Variants in FAM216A observed in about 807,000 individuals in gnomAD.
FAM216A encodes family with sequence similarity 216 member A, also known as protein FAM216A.
Under a neutral mutation model 37.6 loss-of-function variants are expected in FAM216A, and 26 were observed. The ratio of observed to expected loss-of-function variants is 0.69; its 90% CI spans 0.51 to 0.96. FAM216A has a LOEUF of 0.96. Among genes scored for constraint, FAM216A ranks in the 40% least tolerant of loss-of-function variants. The probability of loss-of-function intolerance (pLI) is 0.00; values close to 1 mark genes in which losing one functional copy is unlikely to be tolerated. For synonymous variants in FAM216A, 110 were observed against 121.7 expected, an observed-to-expected ratio of 0.90 and a Z score of 0.64; for missense variants, 326 against 339.3, an observed-to-expected ratio of 0.96 and a Z score of 0.31.
At chr12:110,479,231 G>C (rs778539682) in intron 2 of FAM216A, among the ~76,000 whole-genome samples, 1 of 151,942 alleles carries the variant, frequency 6.6e-6, no homozygotes, top group Non-Finnish European at 1.5e-5. Context: ...TGGGTGCTAG[G>C]TGTGCTTATT....
intron 1 of FAM216A, among the ~76,000 whole-genome samples, chr12:110,471,277 A>G (rs1260080067): frequency 6.6e-6 from 1 of 151,790 alleles, no homozygotes; most frequent in African/African-American, 2.4e-5. Flanking sequence ...TTTAGTAGAG[A>G]ACGGGGTTTC....
At position 110,485,077 on chromosome 12, in the gene FAM216A, G is replaced by A; in HGVS notation, c.185-1G>A. On this transcript the variant is annotated splice_acceptor_variant, in intron 2 of 6. Transcript: ENST00000377673. LOFTEE classifies it high-confidence loss of function. Reference sequence around the variant, plus strand: ...AATTCACATGATGTCTTTGCCTACAGATAGAATCAAAGATGGATACAAAGT... The same window carrying A: ...AATTCACATGATGTCTTTGCCTACAAATAGAATCAAAGATGGATACAAAGT... 1.2e-6 allele frequency: 2 copies of A among 1,602,578 alleles called. No individual in the cohort carries two copies. The highest frequency in any genetic ancestry group is 1.7e-6 in the Non-Finnish European group (2 of 1,177,084).
chr12:110,470,985 G>T (rs1168525800), intron 1 of FAM216A, among the ~76,000 whole-genome samples: 1 of 152,084 alleles, frequency 6.6e-6, no homozygotes, highest in Admixed American at 6.6e-5. Flanking sequence ...GTTGGCACTG[G>T]CAGGGGTCTT....
In FAM216A at chr12:110,468,910, G is replaced by A; in HGVS notation, c.35G>A (p.Gly12Asp). The A allele has an allele frequency of 1.3e-6, 2 of 1,522,016 alleles. No individual in the cohort carries two copies. The highest frequency in any genetic ancestry group is 1.8e-6 in the Non-Finnish European group (2 of 1,137,302). 94.3% of individuals were successfully genotyped at this position (1,522,016 alleles called of 1,614,324 possible). A position where few individuals can be genotyped will look rare whatever the true frequency, so the allele number is the denominator to read the frequency against. Residue 12 changes from glycine (G) to aspartate (D), a missense_variant, in exon 1 of 7, where the codon GGT (glycine) becomes GAT (aspartate). Transcript: ENST00000377673. ...CAGCTGCTCCCGCACACGGCTCGCGGTCTCGGCGCCGCGGAGATGCCCGGC... is the reference window on the plus strand; with the variant it reads ...CAGCTGCTCCCGCACACGGCTCGCGATCTCGGCGCCGCGGAGATGCCCGGC... ...LGQLLPHTAR[G>D]LGAAEMPGQG... is the part of the protein sequence containing the mutation.
chr12:110,473,611 A>T (rs1410990927), intron 2 of FAM216A, among the ~76,000 whole-genome samples: 1 of 152,230 alleles, frequency 6.6e-6, no homozygotes, highest in African/African-American at 2.4e-5. Flanking sequence ...CTGTTGGTAC[A>T]GTATATTTTA....
intron 2 of FAM216A, among the ~76,000 whole-genome samples, chr12:110,476,597 G>T (rs1044214471): frequency 6.6e-6 from 1 of 151,958 alleles, no homozygotes; most frequent in Admixed American, 6.6e-5. Flanking sequence ...CACAATCTTG[G>T]CTCACCGCAA....
intron 2 of FAM216A, among the ~76,000 whole-genome samples, chr12:110,474,954 T>C (rs2062707157): frequency 6.6e-6 from 1 of 151,836 alleles, no homozygotes; most frequent in Admixed American, 6.6e-5. Flanking sequence ...ATCGCGCCAT[T>C]GAACTCCAGC....
intron 6 of FAM216A, among the ~76,000 whole-genome samples, chr12:110,489,247 G>A (rs1287899592): frequency 6.6e-6 from 1 of 152,132 alleles, no homozygotes; most frequent in Non-Finnish European, 1.5e-5. Context: ...GCTCATGCCT[G>A]TAATCTCAGC....
At chr12:110,471,950 G>A (rs376413667) in intron 1 of FAM216A, among the ~76,000 whole-genome samples, 3 of 152,244 alleles carry the variant, frequency 2.0e-5, no homozygotes, top group East Asian at 1.9e-4. Context: ...ACAGTCTTTC[G>A]GCATGGCGTG....
chr12:110,486,933 T>A, intron 5 of FAM216A: 1 of 503,904 alleles, frequency 2.0e-6, no homozygotes, highest in East Asian at 3.4e-5. Flanking sequence ...TTAAAAAAAA[T>A]TGTTTGTACA....
At chr12:110,470,591 C>T (rs777047167) in intron 1 of FAM216A, among the ~76,000 whole-genome samples, 6 of 151,882 alleles carry the variant, frequency 4.0e-5, no homozygotes, top group Non-Finnish European at 8.8e-5. Flanking sequence ...AATTCTCCTG[C>T]CTCAGCCTCC....
chr12:110,469,253 G>T, intron 1 of FAM216A: 1 of 456,488 alleles, frequency 2.2e-6, no homozygotes, highest in African/African-American at 2.0e-5. Context: ...AGCGTTTGGT[G>T]CAGTGGCCAC....
upstream of FAM216A, chr12:110,468,546 C>G (rs1355070318): frequency 1.3e-6 from 2 of 1,537,154 alleles, no homozygotes; most frequent in African/African-American, 2.7e-5. Flanking sequence ...TGCGTGCAGA[C>G]GTTTGACCTG....
At chr12:110,476,263 G>A (rs1182242739) in intron 2 of FAM216A, among the ~76,000 whole-genome samples, 1 of 147,868 alleles carries the variant, frequency 6.8e-6, no homozygotes, top group Non-Finnish European at 1.5e-5. Flanking sequence ...CCAGTGGCGC[G>A]ATCTCGGCTC....
chr12:110,483,330 C>CAAAAAAAAAAAAAA lies in FAM216A; in HGVS notation c.185-1735_185-1734insAAAAAAAAAAAAAA, dbSNP rs916383892. Among the ~76,000 whole-genome samples the CAAAAAAAAAAAAAA allele has an allele frequency of 6.4e-4, 77 of 120,826 alleles. 2 individuals carry two copies. Among genetic ancestry groups the CAAAAAAAAAAAAAA allele is most frequent in the African/African-American group, 2.0e-3 (58 of 28,462 alleles). 79.3% of individuals were successfully genotyped at this position (120,826 alleles called of 152,430 possible). On this transcript the variant is annotated intron_variant, in intron 2 of 6. Transcript: ENST00000377673. ...TGGGCGACAGAGCGAGACTCCTTCT[C>CAAAAAAAAAAAAAA]AAAAAAAAAAAAAGAGGCATTTCGT... is the stretch of plus-strand genomic sequence containing the variant.
At chr12:110,468,518 G>A (rs2062654653), upstream of FAM216A, 3 of 1,537,280 alleles carry the variant, frequency 2.0e-6, no homozygotes, top group Non-Finnish European at 2.6e-6. Context: ...CTTGCGCCAC[G>A]TGCTTCGGTC....
chr12:110,484,550 T>C (rs949827601), intron 2 of FAM216A, among the ~76,000 whole-genome samples: 2 of 151,320 alleles, frequency 1.3e-5, no homozygotes, highest in African/African-American at 4.8e-5. Context: ...GTTTCTGACA[T>C]GATGTTACTG....
rs1196228821 is a variant in FAM216A at position 110,479,382 on chromosome 12, A to C, written c.185-5696A>C. 2.6e-5 allele frequency among the ~76,000 whole-genome samples: 4 copies of C among 151,994 alleles called. No individual in the cohort carries two copies. In the East Asian group the frequency reaches 7.7e-4, roughly 29 times the overall value. ...ACTAACTCCAAATTCCAATCCAACAAACAGGGTTTATTCTGTGCTTTCCTC... is the reference window on the plus strand; with the variant it reads ...ACTAACTCCAAATTCCAATCCAACACACAGGGTTTATTCTGTGCTTTCCTC... On this transcript the variant is annotated intron_variant, in intron 2 of 6. Transcript: ENST00000377673.
chr12:110,476,408 C>T (rs559684421), intron 2 of FAM216A, among the ~76,000 whole-genome samples: 1 of 152,086 alleles, frequency 6.6e-6, no homozygotes, highest in Admixed American at 6.5e-5. Flanking sequence ...TGGGGTTTCA[C>T]CATGTTAGCC....
Sources: gnomAD v4.1 joint callset for allele counts (sites outside exome capture counted in the v4.1 genomes callset) on GRCh38, gnomAD v4.1.1 for gene constraint, MANE v1.5 for transcripts, NCBI Gene and HGNC (gene_info 2026-07-23, HGNC 2026-07-21) for gene names.